Variants in SGCD observed in about 807,000 individuals in gnomAD.
SGCD encodes the protein sarcoglycan delta, also known as delta-sarcoglycan.
Under a neutral mutation model 36.6 loss-of-function variants are expected in SGCD, and 18 were observed. That is an observed-to-expected ratio of 0.49 (90% CI 0.34 to 0.73). The LOEUF (loss-of-function observed/expected upper bound fraction) is 0.73. Ranked by LOEUF, SGCD falls within the 30% of genes least tolerant of loss-of-function variation. The pLI is 0.01. For synonymous variants in SGCD, 133 were observed against 130.6 expected (o/e 1.02, Z -0.12); for missense variants, 387 against 346.7 (o/e 1.12, Z -0.92).
intron 1 of SGCD, among the ~76,000 whole-genome samples, chr5:156,034,975 T>TGAA (rs898625323): frequency 1.3e-5 from 2 of 152,224 alleles, no homozygotes; most frequent in African/African-American, 2.4e-5. Flanking sequence ...GAACACCTTC[T>TGAA]AATATCATAC....
intron 3 of SGCD, among the ~76,000 whole-genome samples, chr5:156,229,299 T>TATATATATATATATATATATATAA (rs1561575035): frequency 2.6e-5 from 2 of 76,398 alleles, no homozygotes; most frequent in Non-Finnish European, 5.5e-5. Context: ...TATATATATA[T>TATATATATATATATATATATATAA]AAAATTAGTT....
intron 1 of SGCD, among the ~76,000 whole-genome samples, chr5:156,070,282 C>T (rs149995782): frequency 0.023 from 3,562 of 151,832 alleles, 148 homozygotes; most frequent in African/African-American, 0.082. Context: ...ATAGATAGCT[C>T]TCATTATTTT....
intron 1 of SGCD, among the ~76,000 whole-genome samples, chr5:156,007,599 A>T (rs1758781949): frequency 6.6e-6 from 1 of 152,126 alleles, no homozygotes; most frequent in Admixed American, 6.5e-5. Context: ...TTAAAAGGGG[A>T]GGAGCTCAAT....
At chr5:156,393,606 C>A in intron 3 of SGCD, 1 of 407,446 alleles carries the variant, frequency 2.5e-6, no homozygotes, top group South Asian at 1.8e-5. Flanking sequence ...AGAGTGAAGT[C>A]ATGTTAATAG....
intron 3 of SGCD, among the ~76,000 whole-genome samples, chr5:156,244,900 A>G (rs1765403442): frequency 6.6e-6 from 1 of 152,176 alleles, no homozygotes; most frequent in Non-Finnish European, 1.5e-5. Context: ...TTTCATTGAA[A>G]CCTTTCCCCT....
chr5:156,029,663 A>G (rs1007358397), intron 1 of SGCD, among the ~76,000 whole-genome samples: 1 of 152,162 alleles, frequency 6.6e-6, no homozygotes, highest in Non-Finnish European at 1.5e-5. Flanking sequence ...AAAAATAGAG[A>G]AGAGACCAAA....
At chr5:155,808,247 TA>T in the SGCD span, among the ~76,000 whole-genome samples, 1 of 152,246 alleles carries the variant, frequency 6.6e-6, no homozygotes, top group East Asian at 1.9e-4. Flanking sequence ...TTTGGCATTT[TA>T]AAAACCTTCA....
At chr5:155,985,107 T>C (rs540822622) in intron 1 of SGCD, among the ~76,000 whole-genome samples, 1 of 152,326 alleles carries the variant, frequency 6.6e-6, no homozygotes, top group East Asian at 1.9e-4. Context: ...ATTCCTGAAG[T>C]AACAAATTAC....
chr5:156,407,786 A>G (rs115206688), intron 3 of SGCD, among the ~76,000 whole-genome samples: 2,071 of 150,984 alleles, frequency 0.014, 22 homozygotes, highest in Non-Finnish European at 0.023. Flanking sequence ...TTGTTATTAT[A>G]TCAGTGGTGT....
chr5:155,849,625 G>A, the SGCD span, among the ~76,000 whole-genome samples: 7 of 152,118 alleles, frequency 4.6e-5, no homozygotes, highest in Non-Finnish European at 8.8e-5. Context: ...CATTAACTAT[G>A]CCACTCTTGT....
intron 1 of SGCD, among the ~76,000 whole-genome samples, chr5:155,912,489 GTC>G (rs777928362): frequency 7.2e-5 from 11 of 152,158 alleles, no homozygotes; most frequent in East Asian, 1.9e-4. Context: ...TTCGAAACTA[GTC>G]TCTTCAAACA....
chr5:155,919,566 A>T lies in SGCD; in HGVS notation c.-282+49142A>T, dbSNP rs76131719. Among the ~76,000 whole-genome samples the T allele has an allele frequency of 8.7e-3, 1,318 of 152,258 alleles. 20 individuals carry two copies. Among genetic ancestry groups the T allele is most frequent in the African/African-American group, 0.03 (1,257 of 41,546 alleles). On this transcript the variant is annotated intron_variant, in intron 1 of 9. Coordinates refer to the SGCD transcript ENST00000517913. ...GCCCTTTTGGAGATTACAAACTTAA[A>T]AAAACAAAATGCGGCTATATTTTAA...
At position 156,762,716 on chromosome 5, in the gene SGCD, C is replaced by G. The variant is rs1581544994; in HGVS notation, c.*3326C>G. 1 of 152,618 alleles carries G rather than the reference C, an allele frequency of 6.6e-6. No individual in the cohort carries two copies. The highest frequency in any genetic ancestry group is 2.4e-5 in the African/African-American group (1 of 41,456). 9.5% of individuals were successfully genotyped at this position (152,618 alleles called of 1,614,324 possible). On this transcript the variant is annotated 3_prime_UTR_variant, in exon 9 of 9. Coordinates refer to ENST00000337851, the MANE Select transcript of SGCD (RefSeq NM_000337.6). ...CATTTACATGTTTTCTGATTTTACA[C>G]TACAGCAGCAGGATGGAGTAGTTGT...
chr5:156,619,142 C>A (rs937654292), intron 6 of SGCD, among the ~76,000 whole-genome samples: 1 of 152,044 alleles, frequency 6.6e-6, no homozygotes, highest in Non-Finnish European at 1.5e-5. Context: ...TCGCCTGCCT[C>A]AGCCTCCAGA....
At chr5:156,475,635 C>A (rs1755147410) in intron 3 of SGCD, among the ~76,000 whole-genome samples, 1 of 152,178 alleles carries the variant, frequency 6.6e-6, no homozygotes, top group South Asian at 2.1e-4. Context: ...GCCAACACTT[C>A]CAGCCAATAC....
At chr5:155,731,441 C>T in the SGCD span, among the ~76,000 whole-genome samples, 3 of 152,226 alleles carry the variant, frequency 2.0e-5, no homozygotes, top group East Asian at 5.8e-4. Context: ...ACCATGCTGC[C>T]ATTCTAAGGA....
intron 7 of SGCD, among the ~76,000 whole-genome samples, chr5:156,684,432 G>A (rs368142761): frequency 5.3e-5 from 8 of 152,210 alleles, no homozygotes; most frequent in African/African-American, 1.9e-4. Context: ...ATAGATTCCA[G>A]CTATGGTGAA....
At chr5:155,879,112 C>T (rs900807992) in intron 1 of SGCD, among the ~76,000 whole-genome samples, 2 of 152,056 alleles carry the variant, frequency 1.3e-5, no homozygotes, top group African/African-American at 2.4e-5. Context: ...GGAGGCTAGA[C>T]AGACTGAATT....
chr5:155,895,385 A>G (rs1216617228), intron 1 of SGCD, among the ~76,000 whole-genome samples: 1 of 152,230 alleles, frequency 6.6e-6, no homozygotes, highest in African/African-American at 2.4e-5. Context: ...TGATTGCTAC[A>G]TGAATTTAAT....
Sources: allele counts gnomAD v4.1 joint callset (sites outside exome capture counted in the v4.1 genomes callset), GRCh38; gene constraint gnomAD v4.1.1; transcripts MANE v1.5; gene names NCBI Gene and HGNC (gene_info 2026-07-23, HGNC 2026-07-21).